TRIO: variants seen among roughly 807,000 people sequenced by gnomAD.
TRIO encodes triple functional domain protein.
In TRIO, 58 loss-of-function variants were observed where a neutral mutation model predicts 351.9. The observed-to-expected ratio is 0.16, with a 90% CI of 0.13 to 0.21. TRIO has a LOEUF of 0.21. TRIO is among the 10% of genes least tolerant of loss of function. The pLI, the probability that TRIO is intolerant of heterozygous loss-of-function variation, is 1.00. For missense variants in TRIO, 3,201 were observed against 4,027.8 expected (o/e 0.79, Z 5.56); for synonymous variants, 1,758 against 1,595.7 (o/e 1.10, Z -2.42).
intron 13 of TRIO, among the ~76,000 whole-genome samples, chr5:14,359,818 A>G: frequency 6.6e-6 from 1 of 152,218 alleles, no homozygotes; most frequent in East Asian, 1.9e-4. Context: ...GCGGAACAGA[A>G]GGAAGCCAGC....
At chr5:14,507,425 G>A (rs1224724004) in intron 56 of TRIO, among the ~76,000 whole-genome samples, 165 bp downstream of exon 56, 6 of 152,194 alleles carry the variant, frequency 3.9e-5, no homozygotes, top group Non-Finnish European at 8.8e-5. Flanking sequence ...CTCTCTAAGC[G>A]TTTGCGTTCA....
chr5:14,509,239 G>C lies in TRIO; in HGVS notation c.*817G>C. ...TGAAAATACTGTAAATGCACTCATTGGGGGTTTTTTGGTTTTACTTCATAT... is the reference window on the plus strand; with the variant it reads ...TGAAAATACTGTAAATGCACTCATTCGGGGTTTTTTGGTTTTACTTCATAT... On this transcript the variant is annotated 3_prime_UTR_variant, in exon 57 of 57. Transcript: ENST00000344204. 1 of 351,374 alleles carries C rather than the reference G, an allele frequency of 2.8e-6. No homozygotes were observed. The highest frequency in any genetic ancestry group is 5.5e-6 in the Non-Finnish European group (1 of 181,734). 21.8% of individuals were successfully genotyped at this position (351,374 alleles called of 1,614,324 possible). A position where few individuals can be genotyped will look rare whatever the true frequency, so the allele number is the denominator to read the frequency against.
chr5:14,356,866 G>GA (rs35878008), intron 11 of TRIO, among the ~76,000 whole-genome samples: 129,818 of 151,138 alleles, frequency 0.86, 55,972 homozygotes, highest in African/African-American at 0.91. Context: ...AAGCTGGACA[G>GA]AAAAAAAAAG....
intron 32 of TRIO, 99 bp from the exon 33 acceptor site, chr5:14,406,474 C>A: frequency 8.8e-7 from 1 of 1,140,420 alleles, no homozygotes; most frequent in Non-Finnish European, 1.3e-6. Context: ...AGCAGGCACT[C>A]ACGAAGGCTG....
intron 33 of TRIO, among the ~76,000 whole-genome samples, chr5:14,415,764 G>GT (rs1749593027): frequency 6.6e-6 from 1 of 152,144 alleles, no homozygotes; most frequent in Non-Finnish European, 1.5e-5. Flanking sequence ...ATATGTCTGG[G>GT]CCTAAAGAGG....
intron 31 of TRIO, among the ~76,000 whole-genome samples, chr5:14,403,548 TTGTGAGGGTGC>T (rs1748376886): frequency 2.0e-5 from 2 of 100,402 alleles, no homozygotes; most frequent in African/African-American, 4.5e-5. Context: ...AGGGTGCAGG[TTGTGAGGGTGC>T]AGGTTGTGGT....
rs569465540 is a variant in TRIO, at chr5:14,497,884, G to A, written c.8047+10G>A. The A allele has an allele frequency of 1.2e-5, 19 of 1,614,068 alleles. No homozygotes were observed. The highest frequency in any genetic ancestry group is 1.6e-5 in the Non-Finnish European group (19 of 1,180,040). On this transcript the variant is annotated intron_variant, in intron 51 of 56. Coordinates refer to ENST00000344204, the MANE Select transcript of TRIO (RefSeq NM_007118.4). This position sits in a 1 kb window ranked among gnomAD's most constrained non-coding sequence, Gnocchi z 4.4. The stretch of plus-strand genomic sequence containing the variant: ...AACTACATTTATGACGGTGAGTTCT[G>A]TTCTTTTTCTTCTAGTCCTAGAGAT...
In TRIO at chr5:14,387,858, C is replaced by T; in HGVS notation, c.3881+11C>T. ...TGCCCGCAGGAAAGAGTAAGCCAGT[C>T]TTTCAGAATCTACCAGGATTCACTG... On this transcript the variant is annotated intron_variant, in intron 23 of 56. Transcript: ENST00000344204. 1.2e-6 allele frequency: 2 copies of T among 1,611,528 alleles called. No homozygotes were observed. Among genetic ancestry groups the T allele is most frequent in the Non-Finnish European group, 1.7e-6 (2 of 1,177,988 alleles).
chr5:14,275,586 A>C (rs367807272), intron 2 of TRIO, among the ~76,000 whole-genome samples: 1 of 138,514 alleles, frequency 7.2e-6, no homozygotes, highest in Admixed American at 7.2e-5. Context: ...TTTTTTTTTT[A>C]AGTTTTTGGT....
At chr5:14,311,538 TCTGAAGACA>T (rs1738934056) in intron 8 of TRIO, among the ~76,000 whole-genome samples, 1 of 152,218 alleles carries the variant, frequency 6.6e-6, no homozygotes, top group Admixed American at 6.5e-5. Context: ...TATGTAGCCA[TCTGAAGACA>T]GATTGGAACC....
chr5:14,248,664 A>G (rs975728941), intron 1 of TRIO, among the ~76,000 whole-genome samples: 2 of 152,136 alleles, frequency 1.3e-5, no homozygotes, highest in Non-Finnish European at 2.9e-5. Flanking sequence ...TATCTTGTTC[A>G]TCCTCCCTCG....
At chr5:14,256,428 C>T (rs570062391) in intron 1 of TRIO, among the ~76,000 whole-genome samples, 178 of 152,214 alleles carry the variant, frequency 1.2e-3, no homozygotes, top group Non-Finnish European at 1.5e-3. Context: ...GCAGAAAGTC[C>T]GCATAGTGGT....
In TRIO at chr5:14,184,255, C is replaced by T. The variant is rs565611018; in HGVS notation, c.157+40373C>T. On this transcript the variant is annotated intron_variant, in intron 1 of 56. Coordinates refer to ENST00000344204, the MANE Select transcript of TRIO (RefSeq NM_007118.4). ...GCAACAGCAGTTCTGTTTTGAGAGCCGAAGGGAGCACTGTGCGCTGTTTGT... is the reference window on the plus strand; with the variant it reads ...GCAACAGCAGTTCTGTTTTGAGAGCTGAAGGGAGCACTGTGCGCTGTTTGT... 1.6e-3 allele frequency among the ~76,000 whole-genome samples: 242 copies of T among 152,224 alleles called. 7 individuals are homozygous for T. The South Asian group carries it at 0.049, about 31-fold the overall frequency.
intron 1 of TRIO, among the ~76,000 whole-genome samples, chr5:14,205,726 G>A (rs1308094453): frequency 1.3e-5 from 2 of 152,158 alleles, no homozygotes; most frequent in Non-Finnish European, 2.9e-5. Context: ...TTATACAAAT[G>A]TTTTTCAATT....
chr5:14,475,858 A>G (rs1223171219), intron 40 of TRIO, among the ~76,000 whole-genome samples: 4 of 152,216 alleles, frequency 2.6e-5, no homozygotes, highest in Admixed American at 2.0e-4. Context: ...CCCTTAGTAC[A>G]ACATTAATTG....
At chr5:14,353,182 G>A (rs1351796364) in intron 11 of TRIO, among the ~76,000 whole-genome samples, 1 of 150,822 alleles carries the variant, frequency 6.6e-6, no homozygotes, top group Non-Finnish European at 1.5e-5. Flanking sequence ...TATTAGAAGA[G>A]TTTTTCTTAG....
At chr5:14,435,072 G>A (rs561105831) in intron 34 of TRIO, among the ~76,000 whole-genome samples, 1 of 152,308 alleles carries the variant, frequency 6.6e-6, no homozygotes, top group East Asian at 1.9e-4. Flanking sequence ...GTGGACCTTG[G>A]TCACCTGGCT....
chr5:14,348,100 T>G (rs1742600957), intron 11 of TRIO, among the ~76,000 whole-genome samples: 1 of 152,242 alleles, frequency 6.6e-6, no homozygotes, highest in Admixed American at 6.5e-5. Flanking sequence ...GGCTGCTGTT[T>G]GGATCACGTG....
intron 34 of TRIO, among the ~76,000 whole-genome samples, chr5:14,435,730 T>G (rs1751529771): frequency 6.6e-6 from 1 of 152,106 alleles, no homozygotes; most frequent in Non-Finnish European, 1.5e-5. Flanking sequence ...AGTGCTGTCA[T>G]TGTTTTCTTC....
Sources: gnomAD v4.1 joint callset for allele counts (sites outside exome capture counted in the v4.1 genomes callset) on GRCh38, gnomAD v4.1.1 for gene constraint, Gnocchi (gnomAD v3.1) non-coding constraint, MANE v1.5 for transcripts, NCBI Gene and HGNC (gene_info 2026-07-23, HGNC 2026-07-21) for gene names.